The following SMYD3 variants were observed in gnomAD, a reference collection of about 807,000 sequenced individuals.
SMYD3 encodes the protein histone-lysine N-methyltransferase SMYD3.
Under a neutral mutation model 57.7 loss-of-function variants are expected in SMYD3, and 36 were observed. The ratio of observed to expected loss-of-function variants is 0.62; its 90% CI spans 0.48 to 0.82. The LOEUF is 0.82. SMYD3 is among the 40% of genes least tolerant of loss of function. The pLI is 0.00. For synonymous variants in SMYD3, 211 were observed against 195.0 expected, an observed-to-expected ratio of 1.08 and a Z score of -0.68; for missense variants, 515 against 538.8, an observed-to-expected ratio of 0.96 and a Z score of 0.44.
At chr1:245,986,752 G>A (rs1296929511) in intron 5 of SMYD3, among the ~76,000 whole-genome samples, 2 of 152,170 alleles carry the variant, frequency 1.3e-5, no homozygotes, top group Admixed American at 6.5e-5. Flanking sequence ...TGGCAAGAAC[G>A]GGTCATCGTC....
At chr1:246,429,014 C>T (rs2067261144) in intron 1 of SMYD3, among the ~76,000 whole-genome samples, 1 of 151,684 alleles carries the variant, frequency 6.6e-6, no homozygotes, top group African/African-American at 2.4e-5. Flanking sequence ...TTCCTTCCTA[C>T]CAAACAAAAG....
intron 5 of SMYD3, among the ~76,000 whole-genome samples, chr1:246,073,234 A>G (rs964538219): frequency 6.6e-6 from 1 of 152,160 alleles, no homozygotes; most frequent in Non-Finnish European, 1.5e-5. Flanking sequence ...CAAAGAGAAC[A>G]TGTATGGTAT....
At chr1:245,897,083 A>G (rs886066840) in intron 8 of SMYD3, among the ~76,000 whole-genome samples, 1 of 152,260 alleles carries the variant, frequency 6.6e-6, no homozygotes. Context: ...AAAGAGATGA[A>G]TAATGTAGTA....
chr1:246,265,106 C>T (rs1364508272), intron 5 of SMYD3, among the ~76,000 whole-genome samples: 1 of 152,146 alleles, frequency 6.6e-6, no homozygotes, highest in East Asian at 1.9e-4. Context: ...TCTTTATTGA[C>T]AATGGATCAG....
At chr1:246,055,560 C>T (rs532574603) in intron 5 of SMYD3, among the ~76,000 whole-genome samples, 3 of 152,198 alleles carry the variant, frequency 2.0e-5, no homozygotes, top group East Asian at 3.9e-4. Context: ...CACCTTTGCT[C>T]GCTGCAGTAC....
rs539956616 is a variant in SMYD3 at position 246,016,237 on chromosome 1, T to TAA, written c.532-86302_532-86301dup. 4.5e-5 allele frequency among the ~76,000 whole-genome samples: 6 copies of TAA among 132,448 alleles called. No homozygotes were observed. The South Asian group carries it at 7.3e-4, about 16-fold the overall frequency. The allele number at this position is 132,448 out of a possible 152,430, so 86.9% of individuals were successfully genotyped here. A position where few individuals can be genotyped will look rare whatever the true frequency, so the allele number is the denominator to read the frequency against. On this transcript the variant is annotated intron_variant, in intron 5 of 11. Transcript: ENST00000490107. ...GGCCACACAGTGAAACCCCATCACT[T>TAA]AAAAAAAAAAAAAAAATAGAATAGT...
intron 1 of SMYD3, among the ~76,000 whole-genome samples, chr1:246,445,454 G>T (rs1194184482): frequency 6.6e-6 from 1 of 152,152 alleles, no homozygotes; most frequent in Non-Finnish European, 1.5e-5. Flanking sequence ...TATAGTTTAA[G>T]GTAGAACATA....
At chr1:246,002,011 C>T (rs940181233) in intron 5 of SMYD3, among the ~76,000 whole-genome samples, 4 of 152,108 alleles carry the variant, frequency 2.6e-5, no homozygotes, top group African/African-American at 9.7e-5. Flanking sequence ...CTTTCCACAT[C>T]CACCACTGTA....
chr1:246,320,313 T>C (rs927043156), intron 5 of SMYD3, among the ~76,000 whole-genome samples: 3 of 152,182 alleles, frequency 2.0e-5, no homozygotes, highest in Non-Finnish European at 2.9e-5. Context: ...AATTAGATTT[T>C]GGAAAAGCAA....
chr1:246,339,678 T>G (rs1477911705), intron 2 of SMYD3, among the ~76,000 whole-genome samples: 1 of 152,214 alleles, frequency 6.6e-6, no homozygotes, highest in Non-Finnish European at 1.5e-5. Flanking sequence ...GGTTTCAATG[T>G]GTACCTCAAA....
chr1:246,418,719 G>A (rs1176720051), intron 1 of SMYD3, among the ~76,000 whole-genome samples: 4 of 152,050 alleles, frequency 2.6e-5, no homozygotes, highest in African/African-American at 9.7e-5. Context: ...CGGTGACCTG[G>A]GCTCTCCTCC....
chr1:245,934,712 C>T (rs12131373), intron 5 of SMYD3, among the ~76,000 whole-genome samples: 5,402 of 152,060 alleles, frequency 0.036, 142 homozygotes, highest in East Asian at 0.11. Context: ...AAAGTGTTAC[C>T]GGAAGGTTTA....
At chr1:246,013,255 C>T (rs1419377517) in intron 5 of SMYD3, among the ~76,000 whole-genome samples, 1 of 152,226 alleles carries the variant, frequency 6.6e-6, no homozygotes, top group African/African-American at 2.4e-5. Context: ...TCTTGGCTCA[C>T]TGCAACCTCC....
At chr1:246,009,341 C>T (rs1418528068) in intron 5 of SMYD3, among the ~76,000 whole-genome samples, 2 of 152,190 alleles carry the variant, frequency 1.3e-5, no homozygotes, top group African/African-American at 4.8e-5. Flanking sequence ...AGCTAGAGGA[C>T]ACCACCTACT....
chr1:246,348,762 A>C (rs1335554620), intron 2 of SMYD3, among the ~76,000 whole-genome samples: 1 of 145,656 alleles, frequency 6.9e-6, no homozygotes, highest in Non-Finnish European at 1.5e-5. Flanking sequence ...ATAAATGTTG[A>C]AAACAAATTA....
At chr1:245,951,640 G>A (rs1053651184) in intron 5 of SMYD3, among the ~76,000 whole-genome samples, 1 of 149,148 alleles carries the variant, frequency 6.7e-6, no homozygotes, top group African/African-American at 2.5e-5. Flanking sequence ...TGCTGCTTGT[G>A]ATCTGACCAG....
At chr1:246,008,224 C>T (rs1487840677) in intron 5 of SMYD3, among the ~76,000 whole-genome samples, 1 of 152,242 alleles carries the variant, frequency 6.6e-6, no homozygotes, top group African/African-American at 2.4e-5. Flanking sequence ...AATGAAGAAA[C>T]ACAACCTGTG....
At chr1:246,042,945 C>T (rs988417523) in intron 5 of SMYD3, among the ~76,000 whole-genome samples, 9 of 152,114 alleles carry the variant, frequency 5.9e-5, no homozygotes, top group African/African-American at 1.4e-4. Context: ...TTAATAAATA[C>T]GTAAATATAC....
At chr1:246,190,267 T>C (rs1365614129) in intron 5 of SMYD3, among the ~76,000 whole-genome samples, 2 of 152,152 alleles carry the variant, frequency 1.3e-5, no homozygotes, top group Non-Finnish European at 1.5e-5. Flanking sequence ...CCGTAGCGTA[T>C]ACTTAAGAGT....
Sources: gnomAD v4.1 joint callset for allele counts (sites outside exome capture counted in the v4.1 genomes callset) on GRCh38, gnomAD v4.1.1 for gene constraint, MANE v1.5 for transcripts, NCBI Gene and HGNC (gene_info 2026-07-23, HGNC 2026-07-21) for gene names.